The following KCNN3 variants were observed in gnomAD, a reference collection of about 807,000 sequenced individuals.
KCNN3 encodes potassium calcium-activated channel subfamily N member 3.
A neutral mutation model predicts 62.9 loss-of-function variants in KCNN3; 16 were observed. The observed-to-expected ratio is 0.25, with a 90% confidence interval of 0.17 to 0.39. The LOEUF is 0.39. KCNN3 is among the 10% of genes least tolerant of loss of function. The pLI is 1.00. For missense variants in KCNN3, 599 were observed against 949.4 expected, an observed-to-expected ratio of 0.63 and a Z score of 4.85; for synonymous variants, 370 against 389.2, an observed-to-expected ratio of 0.95 and a Z score of 0.58.
chr1:154,719,210 C>T (rs1488812327), intron 5 of KCNN3, among the ~76,000 whole-genome samples: 1 of 152,198 alleles, frequency 6.6e-6, no homozygotes, highest in Non-Finnish European at 1.5e-5. Context: ...GAAGAAATCA[C>T]TAGCATGCCC....
Position 154,714,826 on chromosome 1 carries a change from G to A in KCNN3, c.1829+50C>T, listed in dbSNP as rs374897716. On this transcript the variant is annotated intron_variant, in intron 6 of 7. Coordinates refer to ENST00000271915, the MANE Select transcript of KCNN3 (RefSeq NM_002249.6). ...CTACTGACAGAGTTGTAGGAGTCCC[G>A]CCACTCCCAGTCTGGTCATCTGATG... 32 of 1,610,578 alleles carry A rather than the reference G, an allele frequency of 2.0e-5. No individual in the cohort carries two copies. In the African/African-American group the frequency reaches 3.6e-4, roughly 18 times the overall value.
At chr1:154,790,859 A>G (rs895991792) in intron 2 of KCNN3, among the ~76,000 whole-genome samples, 6 of 152,252 alleles carry the variant, frequency 3.9e-5, no homozygotes, top group African/African-American at 9.6e-5. Flanking sequence ...TCAGGTTTGC[A>G]GGAGACAAGA....
At chr1:154,718,465 C>T (rs371268093) in intron 5 of KCNN3, among the ~76,000 whole-genome samples, 1 of 152,262 alleles carries the variant, frequency 6.6e-6, no homozygotes, top group East Asian at 1.9e-4. Context: ...TATGTCTGCA[C>T]TGGTTCATTA....
At chr1:154,835,289 G>C (rs1307014591) in intron 1 of KCNN3, among the ~76,000 whole-genome samples, 1 of 152,178 alleles carries the variant, frequency 6.6e-6, no homozygotes, top group South Asian at 2.1e-4. Context: ...ACTATGAATG[G>C]TAATCATTAA....
chr1:154,844,863 G>A (rs1465057683), intron 1 of KCNN3, among the ~76,000 whole-genome samples: 1 of 152,120 alleles, frequency 6.6e-6, no homozygotes, highest in African/African-American at 2.4e-5. Context: ...AAAATTAGCT[G>A]GGCATGGTGG....
chr1:154,778,586 T>TTTCTCTC (rs1329865263), intron 2 of KCNN3, among the ~76,000 whole-genome samples: 1 of 151,658 alleles, frequency 6.6e-6, no homozygotes, highest in Non-Finnish European at 1.5e-5. Context: ...GTACAGCCTA[T>TTTCTCTC]TTCTCTCTCC....
At chr1:154,857,681 A>G (rs1371445422) in intron 1 of KCNN3, among the ~76,000 whole-genome samples, 3 of 152,224 alleles carry the variant, frequency 2.0e-5, no homozygotes, top group Non-Finnish European at 4.4e-5. Flanking sequence ...ACCACCTCCC[A>G]GCTGTGAGAC....
chr1:154,733,916 AGGG>A (rs1700653013), intron 3 of KCNN3, among the ~76,000 whole-genome samples: 1 of 152,234 alleles, frequency 6.6e-6, no homozygotes, highest in Admixed American at 6.5e-5. Flanking sequence ...CCCTGCCCTC[AGGG>A]ACCCAGCCCA....
Position 154,705,611 on chromosome 1 carries a change from A to G in KCNN3, c.*2365T>C, listed in dbSNP as rs1699952183. Reference sequence around the variant, plus strand: ...TGATGGGTTAAAGTCACAGACCACAATGAATAAATCACAGTCTGTGCACAC... The same window carrying G: ...TGATGGGTTAAAGTCACAGACCACAGTGAATAAATCACAGTCTGTGCACAC... On this transcript the variant is annotated 3_prime_UTR_variant, in exon 8 of 8. Coordinates refer to ENST00000271915, the MANE Select transcript of KCNN3 (RefSeq NM_002249.6). The G allele has an allele frequency of 6.6e-6, 1 of 152,232 alleles. No individual in the cohort carries two copies. The highest frequency in any genetic ancestry group is 1.5e-5 in the Non-Finnish European group (1 of 68,046). 9.4% of individuals were successfully genotyped at this position (152,232 alleles called of 1,614,324 possible). A position where few individuals can be genotyped will look rare whatever the true frequency, so the allele number is the denominator to read the frequency against.
Position 154,737,562 on chromosome 1 carries a change from C to T in KCNN3, c.1449-4418G>A, listed in dbSNP as rs527972094. On this transcript the variant is annotated intron_variant, in intron 3 of 7. Coordinates refer to ENST00000271915, the MANE Select transcript of KCNN3 (RefSeq NM_002249.6). ...CAACTAAACAAACAAAAAGAAGGAA[C>T]TCTGGATCAAATACAGACCATTCAC... Among the ~76,000 whole-genome samples, 122 of 152,054 alleles carry T rather than the reference C, an allele frequency of 8.0e-4. 1 individual carries two copies. Among genetic ancestry groups the T allele is most frequent in the Admixed American group, 7.9e-3 (121 of 15,266 alleles).
intron 1 of KCNN3, among the ~76,000 whole-genome samples, chr1:154,851,645 T>G (rs1652303453): frequency 6.6e-6 from 1 of 152,158 alleles, no homozygotes; most frequent in Admixed American, 6.5e-5. Context: ...GTCCAATTCA[T>G]CAGGAATGCC....
chr1:154,740,084 T>C (rs1557951142), intron 3 of KCNN3, among the ~76,000 whole-genome samples: 1 of 152,274 alleles, frequency 6.6e-6, no homozygotes. Context: ...AACTCTTCTA[T>C]GAATTGCTTC....
At chr1:154,730,843 G>C (rs1700576256) in intron 4 of KCNN3, among the ~76,000 whole-genome samples, 1 of 152,124 alleles carries the variant, frequency 6.6e-6, no homozygotes, top group Non-Finnish European at 1.5e-5. Flanking sequence ...CGCTCTCTCT[G>C]GGGGAGCACT....
Position 154,707,763 on chromosome 1 carries a change from G to A in KCNN3, c.*213C>T, listed in dbSNP as rs764962791. The A allele has an allele frequency of 6.1e-5, 34 of 559,462 alleles. No homozygotes were observed. The highest frequency in any genetic ancestry group is 9.5e-5 in the African/African-American group (5 of 52,654). The allele number at this position is 559,462 out of a possible 1,614,324, so 34.7% of individuals were successfully genotyped here. ...TCGCTTCCTGTCATCTCCTCTTCCC[G>A]CTCCCAAGTAGAGGCACCTAAACAG... On this transcript the variant is annotated 3_prime_UTR_variant, in exon 8 of 8. Coordinates refer to ENST00000271915, the MANE Select transcript of KCNN3 (RefSeq NM_002249.6).
At chr1:154,762,292 G>A (rs1175902266) in intron 3 of KCNN3, among the ~76,000 whole-genome samples, 5 of 152,014 alleles carry the variant, frequency 3.3e-5, no homozygotes, top group African/African-American at 9.7e-5. Context: ...CCCCATGCCC[G>A]CCCACCGCCA....
At position 154,733,006 on chromosome 1, in the gene KCNN3, G is replaced by C; in HGVS notation, c.1587C>G (p.Ile529Met). The C allele has an allele frequency of 6.2e-7, 1 of 1,614,120 alleles. No homozygotes were observed. Among genetic ancestry groups the C allele is most frequent in the Non-Finnish European group, 8.5e-7 (1 of 1,179,984 alleles). ...CGKGVCLLTG[I>M]MGAGCTALVV... ...ATGGGGAGAGGCGGGTACTCACCAT[G>C]ATGCCAGTGAGGAGACAGACACCTT... The change falls in exon 4 of 8, where the codon ATC (isoleucine) becomes ATG (methionine). Residue 529 changes from isoleucine to methionine, a missense_variant. This residue lies in a region of KCNN3 where 288 missense variants were observed against 557.4 expected (regional missense o/e 0.52). Transcript: ENST00000271915.
intron 2 of KCNN3, among the ~76,000 whole-genome samples, chr1:154,815,711 C>T (rs1471176139): frequency 1.3e-5 from 2 of 152,198 alleles, no homozygotes; most frequent in Admixed American, 6.5e-5. Flanking sequence ...GAGGTCAGTA[C>T]GTGCTCTGCT....
chr1:154,766,764 C>A (rs1277982852), intron 3 of KCNN3, among the ~76,000 whole-genome samples: 2 of 151,202 alleles, frequency 1.3e-5, no homozygotes, highest in Non-Finnish European at 3.0e-5. Flanking sequence ...ACTGCAAGCT[C>A]CGCCTCCTGG....
Position 154,822,797 on chromosome 1 carries a change from G to T in KCNN3, c.934-613C>A, listed in dbSNP as rs569441863. Reference sequence around the variant, plus strand: ...GGAGCAGAGAGGGGTCCTGGCAGGAGAAGTACCCTGATGGTCCCTCCTGCT... The same window carrying T: ...GGAGCAGAGAGGGGTCCTGGCAGGATAAGTACCCTGATGGTCCCTCCTGCT... On this transcript the variant is annotated intron_variant, in intron 1 of 7. Transcript: ENST00000271915. Among the ~76,000 whole-genome samples the T allele has an allele frequency of 3.9e-5, 6 of 152,346 alleles. No homozygotes were observed. The East Asian group carries it at 1.2e-3, about 29-fold the overall frequency.
Sources: allele counts gnomAD v4.1 joint callset (sites outside exome capture counted in the v4.1 genomes callset), GRCh38; gene constraint gnomAD v4.1.1; regional missense constraint gnomAD v4.1.1; transcripts MANE v1.5; gene names NCBI Gene and HGNC (gene_info 2026-07-23, HGNC 2026-07-21).